PRKCA: variants seen among roughly 807,000 people sequenced by gnomAD.
PRKCA encodes protein kinase C alpha, also known as protein kinase C alpha type.
A neutral mutation model predicts 87.0 loss-of-function variants in PRKCA; 27 were observed. The ratio of observed to expected loss-of-function variants is 0.31; its 90% CI spans 0.23 to 0.43. The LOEUF is 0.43. PRKCA is among the 20% of genes least tolerant of loss of function. PRKCA has a pLI of 1.00. For missense variants in PRKCA, 518 were observed against 852.3 expected, an observed-to-expected ratio of 0.61 and a Z score of 4.88; for synonymous variants, 329 against 311.1, an observed-to-expected ratio of 1.06 and a Z score of -0.61.
intron 5 of PRKCA, among the ~76,000 whole-genome samples, chr17:66,671,285 G>A (rs1972177220): frequency 6.7e-6 from 1 of 150,032 alleles, no homozygotes; most frequent in Admixed American, 6.6e-5. Flanking sequence ...AACAAGTGAA[G>A]CTCCACACGA....
intron 3 of PRKCA, among the ~76,000 whole-genome samples, chr17:66,594,746 G>A (rs1969921690): frequency 6.6e-6 from 1 of 152,042 alleles, no homozygotes; most frequent in African/African-American, 2.4e-5. Flanking sequence ...TACCACACGG[G>A]GCCCAGAACA....
At chr17:66,631,993 G>C (rs1971027641) in intron 3 of PRKCA, among the ~76,000 whole-genome samples, 1 of 152,266 alleles carries the variant, frequency 6.6e-6, no homozygotes, top group Non-Finnish European at 1.5e-5. Context: ...GTGGCTTGTG[G>C]TGTTAAATAT....
chr17:66,394,745 G>A (rs1352575865), intron 2 of PRKCA, among the ~76,000 whole-genome samples: 1 of 152,166 alleles, frequency 6.6e-6, no homozygotes, highest in Non-Finnish European at 1.5e-5. Context: ...GTTCCCCCAT[G>A]CTGTTCTTGT....
At chr17:66,336,256 C>G (rs1015045073) in intron 2 of PRKCA, among the ~76,000 whole-genome samples, 1 of 152,166 alleles carries the variant, frequency 6.6e-6, no homozygotes, top group Non-Finnish European at 1.5e-5. Context: ...ATACTTCTCT[C>G]ACTGTGTTTA....
chr17:66,642,870 C>T (rs1971342649), intron 4 of PRKCA, among the ~76,000 whole-genome samples: 1 of 152,074 alleles, frequency 6.6e-6, no homozygotes, highest in Admixed American at 6.6e-5. Context: ...TAGCGAAACC[C>T]CGTCTCTACT....
chr17:66,476,289 C>T (rs951927496), intron 2 of PRKCA, among the ~76,000 whole-genome samples: 1 of 152,182 alleles, frequency 6.6e-6, no homozygotes, highest in Non-Finnish European at 1.5e-5. Context: ...TGAGGGCCTT[C>T]AGTTGGTGTT....
chr17:66,649,237 C>T (rs1223372971), intron 5 of PRKCA, among the ~76,000 whole-genome samples: 3 of 152,354 alleles, frequency 2.0e-5, no homozygotes, highest in East Asian at 1.9e-4. Context: ...GCAGAGCCCC[C>T]TTGGGGCAGT....
At chr17:66,561,226 A>G (rs1187909787) in intron 3 of PRKCA, among the ~76,000 whole-genome samples, 1 of 152,236 alleles carries the variant, frequency 6.6e-6, no homozygotes, top group African/African-American at 2.4e-5. Flanking sequence ...AATTCAGTCA[A>G]AATTAATGAA....
At chr17:66,746,433 A>G (rs1373323800) in intron 13 of PRKCA, among the ~76,000 whole-genome samples, 1 of 152,020 alleles carries the variant, frequency 6.6e-6, no homozygotes, top group Non-Finnish European at 1.5e-5. Flanking sequence ...AGGTTTCAAA[A>G]TGTGTGGAAA....
chr17:66,586,187 G>C (rs1969591084), intron 3 of PRKCA, among the ~76,000 whole-genome samples: 1 of 152,154 alleles, frequency 6.6e-6, no homozygotes, highest in Non-Finnish European at 1.5e-5. Context: ...AACCAGTAGA[G>C]ATGAGGCTTT....
At chr17:66,409,194 A>G (rs1452222231) in intron 2 of PRKCA, among the ~76,000 whole-genome samples, 1 of 152,156 alleles carries the variant, frequency 6.6e-6, no homozygotes, top group Non-Finnish European at 1.5e-5. Flanking sequence ...AGAATATACC[A>G]GGGCTGGGAT....
intron 3 of PRKCA, among the ~76,000 whole-genome samples, chr17:66,545,116 A>G (rs2143163655): frequency 6.6e-6 from 1 of 152,318 alleles, no homozygotes; most frequent in Non-Finnish European, 1.5e-5. Context: ...TCTACTTGTC[A>G]GTGCTGCAGG....
intron 3 of PRKCA, among the ~76,000 whole-genome samples, chr17:66,506,228 G>A (rs561264915): frequency 2.0e-5 from 3 of 152,146 alleles, no homozygotes; most frequent in South Asian, 4.2e-4. Flanking sequence ...CCCTGGAGGC[G>A]GAGGTTGCAG....
At chr17:66,539,485 G>T (rs1294369153) in intron 3 of PRKCA, among the ~76,000 whole-genome samples, 1 of 151,284 alleles carries the variant, frequency 6.6e-6, no homozygotes, top group Non-Finnish European at 1.5e-5. Flanking sequence ...CTCACTGCAA[G>T]CTCCGCCTCT....
At chr17:66,379,533 T>C (rs772142506) in intron 2 of PRKCA, among the ~76,000 whole-genome samples, 52 of 152,364 alleles carry the variant, frequency 3.4e-4, no homozygotes, top group South Asian at 8.3e-4. Flanking sequence ...GATAATTTTC[T>C]CCTATTCTGT....
At chr17:66,777,886 C>G (rs1260425630) in intron 14 of PRKCA, 4 of 985,414 alleles carry the variant, frequency 4.1e-6, no homozygotes, top group Non-Finnish European at 3.6e-6. Context: ...CCTCCCGCAG[C>G]CTGGCTTCTC....
At chr17:66,585,909 G>A (rs1337077599) in intron 3 of PRKCA, among the ~76,000 whole-genome samples, 1 of 152,202 alleles carries the variant, frequency 6.6e-6, no homozygotes, top group Non-Finnish European at 1.5e-5. Context: ...CCTTGAGTCT[G>A]AATGCAGTCA....
In PRKCA at chr17:66,428,380, A is replaced by G. The variant is rs547212192; in HGVS notation, c.206-67821A>G. On this transcript the variant is annotated intron_variant, in intron 2 of 16. Coordinates refer to ENST00000413366, the MANE Select transcript of PRKCA (RefSeq NM_002737.3). ...AGACAGCATGAACCAAAGATGATTT[A>G]TTTGATCACTTCAGGGGGAATAAAA... Among the ~76,000 whole-genome samples the G allele has an allele frequency of 2.0e-5, 3 of 152,340 alleles. No individual in the cohort carries two copies. In the South Asian group the frequency reaches 6.2e-4, roughly 32 times the overall value.
intron 2 of PRKCA, chr17:66,415,856 A>G (rs1177494643): frequency 6.6e-6 from 1 of 152,182 alleles, no homozygotes; most frequent in Non-Finnish European, 1.5e-5. Context: ...GTCCATATAA[A>G]ATGCCTGGCA....
Sources: gnomAD v4.1 joint callset for allele counts (sites outside exome capture counted in the v4.1 genomes callset) on GRCh38, gnomAD v4.1.1 for gene constraint, MANE v1.5 for transcripts, NCBI Gene and HGNC (gene_info 2026-07-23, HGNC 2026-07-21) for gene names.